ARHGEF3: variants seen among roughly 807,000 people sequenced by gnomAD.
ARHGEF3 encodes the protein Rho guanine nucleotide exchange factor 3, also known as 59.8 kDA protein.
ARHGEF3 carries 28 observed loss-of-function variants against 63.2 expected under a neutral mutation model. The ratio of observed to expected loss-of-function variants is 0.44; its 90% CI spans 0.33 to 0.61. The LOEUF is 0.61. Ranked by LOEUF, ARHGEF3 falls within the 20% of genes least tolerant of loss-of-function variation. ARHGEF3 has a pLI of 0.03. For missense variants in ARHGEF3, 533 were observed against 659.3 expected, an observed-to-expected ratio of 0.81 and a Z score of 2.10; for synonymous variants, 266 against 254.2, an observed-to-expected ratio of 1.05 and a Z score of -0.44.
At chr3:57,003,902 C>T (rs2107054072) in intron 2 of ARHGEF3, among the ~76,000 whole-genome samples, 1 of 152,276 alleles carries the variant, frequency 6.6e-6, no homozygotes, top group African/African-American at 2.4e-5. Flanking sequence ...TGGACTCCAG[C>T]CCAGTGAGAC....
chr3:56,947,243 C>T (rs1399702477), intron 3 of ARHGEF3, among the ~76,000 whole-genome samples: 1 of 152,194 alleles, frequency 6.6e-6, no homozygotes, highest in Non-Finnish European at 1.5e-5. Context: ...AATCAGCTAA[C>T]ATCATGATGA....
intron 2 of ARHGEF3, among the ~76,000 whole-genome samples, chr3:56,992,293 C>G (rs55815939): frequency 7.3e-6 from 1 of 137,856 alleles, no homozygotes; most frequent in African/African-American, 2.6e-5. Context: ...CCTGTGAAAT[C>G]TGAAGAATGA....
intron 1 of ARHGEF3, among the ~76,000 whole-genome samples, chr3:57,042,692 A>ATTTTTT (rs1447905041): frequency 1.8e-3 from 42 of 23,920 alleles, no homozygotes; most frequent in Non-Finnish European, 2.4e-3. Flanking sequence ...ATATATATAT[A>ATTTTTT]TATATATATT....
chr3:56,734,845 G>A (rs184634159), intron 8 of ARHGEF3, among the ~76,000 whole-genome samples: 1 of 152,208 alleles, frequency 6.6e-6, no homozygotes, highest in Admixed American at 6.5e-5. Flanking sequence ...TTTTTGGTGT[G>A]GTAGTTGTGG....
chr3:56,743,192 G>T (rs1470114906), intron 7 of ARHGEF3, among the ~76,000 whole-genome samples: 1 of 152,230 alleles, frequency 6.6e-6, no homozygotes, highest in East Asian at 1.9e-4. Context: ...TGGACTGGGG[G>T]CCTGATCTCT....
At chr3:56,992,288 G>A (rs55661934) in intron 2 of ARHGEF3, among the ~76,000 whole-genome samples, 2,002 of 143,340 alleles carry the variant, frequency 0.014, 18 homozygotes, top group Non-Finnish European at 0.024. Flanking sequence ...TGAGACCTGT[G>A]AAATCTGAAG....
At chr3:56,925,652 A>G (rs1021733) in intron 3 of ARHGEF3, among the ~76,000 whole-genome samples, 15,855 of 152,132 alleles carry the variant, frequency 0.1, 1,152 homozygotes, top group Admixed American at 0.21. Context: ...TATTATCCCT[A>G]GTTTATAGAT....
chr3:56,902,851 C>T (rs1378156024), intron 3 of ARHGEF3, among the ~76,000 whole-genome samples: 2 of 152,130 alleles, frequency 1.3e-5, no homozygotes, highest in East Asian at 3.9e-4. Context: ...TGGGCCTTAC[C>T]CCAAACACCA....
At chr3:56,836,706 G>T (rs1377095855) in intron 4 of ARHGEF3, among the ~76,000 whole-genome samples, 1 of 152,108 alleles carries the variant, frequency 6.6e-6, no homozygotes, top group Non-Finnish European at 1.5e-5. Context: ...TAGGAGGATC[G>T]TTTGAGCCCA....
intron 2 of ARHGEF3, among the ~76,000 whole-genome samples, chr3:57,004,194 T>C (rs1328518125): frequency 6.6e-6 from 1 of 152,206 alleles, no homozygotes; most frequent in African/African-American, 2.4e-5. Context: ...GACCCTGACC[T>C]TCCCAGCAGA....
At chr3:56,855,161 G>T (rs568539965) in intron 4 of ARHGEF3, among the ~76,000 whole-genome samples, 1 of 152,114 alleles carries the variant, frequency 6.6e-6, no homozygotes, top group East Asian at 1.9e-4. Context: ...GAGGGAGAGA[G>T]GTGAGGGGCA....
At chr3:56,770,077 G>T (rs548820776) in intron 2 of ARHGEF3, among the ~76,000 whole-genome samples, 62 of 152,246 alleles carry the variant, frequency 4.1e-4, no homozygotes, top group Admixed American at 3.7e-3. Flanking sequence ...CCCCTTTGGG[G>T]CCAGCTCTTC....
At chr3:56,770,744 G>T (rs187087265) in intron 2 of ARHGEF3, among the ~76,000 whole-genome samples, 3 of 152,222 alleles carry the variant, frequency 2.0e-5, no homozygotes, top group East Asian at 3.9e-4. Context: ...CCATATCTAT[G>T]TACATTACCA....
chr3:56,731,881 C>A (rs139061380), intron 9 of ARHGEF3: 303 of 401,378 alleles, frequency 7.5e-4, no homozygotes, highest in Non-Finnish European at 1.2e-3. Flanking sequence ...CCCACCATAA[C>A]GCAACTGGCA....
intron 3 of ARHGEF3, among the ~76,000 whole-genome samples, chr3:56,886,096 T>C (rs1421400108): frequency 2.0e-5 from 3 of 152,212 alleles, no homozygotes; most frequent in Non-Finnish European, 4.4e-5. Context: ...GTGATCTCTG[T>C]CATGAATGAG....
chr3:57,002,922 C>T (rs1195464511), intron 2 of ARHGEF3, among the ~76,000 whole-genome samples: 6 of 151,226 alleles, frequency 4.0e-5, no homozygotes, highest in East Asian at 2.0e-4. Context: ...TACAGGCGCA[C>T]GCCACCACGC....
At chr3:57,002,513 T>TAG (rs1560123137) in intron 2 of ARHGEF3, among the ~76,000 whole-genome samples, 2 of 81,902 alleles carry the variant, frequency 2.4e-5, no homozygotes, top group African/African-American at 7.9e-5. Flanking sequence ...TATATATATA[T>TAG]GTTATATATG....
intron 3 of ARHGEF3, among the ~76,000 whole-genome samples, chr3:56,930,917 C>A (rs890041070): frequency 6.6e-6 from 1 of 152,016 alleles, no homozygotes; most frequent in African/African-American, 2.4e-5. Flanking sequence ...AAGAGCGAAT[C>A]GAGGACAAGT....
At chr3:56,822,844 A>G (rs1446088851) in intron 4 of ARHGEF3, among the ~76,000 whole-genome samples, 2 of 52,836 alleles carry the variant, frequency 3.8e-5, no homozygotes, top group Non-Finnish European at 7.8e-5. Context: ...ACAGAGTAAG[A>G]CTCTGAAAAA....
Sources: allele counts gnomAD v4.1 joint callset (sites outside exome capture counted in the v4.1 genomes callset), GRCh38; gene constraint gnomAD v4.1.1; transcripts MANE v1.5; gene names NCBI Gene and HGNC (gene_info 2026-07-23, HGNC 2026-07-21).